The following USP38 variants were observed in gnomAD, a reference collection of about 807,000 sequenced individuals.
USP38 encodes the protein ubiquitin specific peptidase 38.
A neutral mutation model predicts 94.3 loss-of-function variants in USP38; 49 were observed. The ratio of observed to expected loss-of-function variants is 0.52; its 90% CI spans 0.41 to 0.66. The LOEUF (loss-of-function observed/expected upper bound fraction) is 0.66, where lower values mean the gene tolerates loss of function less well. Ranked by LOEUF, USP38 falls within the 30% of genes least tolerant of loss-of-function variation. The pLI is 0.00. For synonymous variants in USP38, 468 were observed against 463.6 expected (o/e 1.01, Z -0.12); for missense variants, 1,128 against 1,229.4 (o/e 0.92, Z 1.23).
chr4:143,185,913 G>A lies in USP38; in HGVS notation c.463G>A (p.Val155Met). 6.2e-7 allele frequency: 1 copy of A among 1,614,214 alleles called. No individual in the cohort carries two copies. The change falls in exon 1 of 10, where the codon GTG becomes ATG. Residue 155 changes from valine to methionine, a missense_variant. Coordinates refer to ENST00000307017, the MANE Select transcript of USP38 (RefSeq NM_032557.6). ...ACTGAGCGACCTTCTGACCGACTTT[G>A]TGCAATGCATCCCCAAGGGGAAATT... ...ARLSDLLTDF[V>M]QCIPKGKLSI...
rs1339315598 is a variant in USP38, at chr4:143,220,326, T to G, written c.2999T>G (p.Leu1000Arg). 2.5e-6 allele frequency: 4 copies of G among 1,613,026 alleles called. No homozygotes were observed. Among genetic ancestry groups the G allele is most frequent in the Non-Finnish European group, 3.4e-6 (4 of 1,179,450 alleles). ...EQELNARARA[L>R]QAASASCSFR... ...GAGTTGAATGCTCGAGCCCGGGCCC[T>G]CCAAGCTGCATCTGCTTCATGTTCA... Residue 1000 changes from leucine (L) to arginine (R), a missense_variant, in exon 10 of 10, where the codon CTC becomes CGC. Physicochemically the swap from Leu to Arg is moderately radical, Grantham distance 102. Coordinates refer to ENST00000307017, the MANE Select transcript of USP38 (RefSeq NM_032557.6).
chr4:143,206,202 T>C lies in USP38; in HGVS notation c.1379T>C (p.Ile460Thr). 6.3e-7 allele frequency: 1 copy of C among 1,599,650 alleles called. No individual in the cohort carries two copies. The highest frequency in any genetic ancestry group is 8.5e-7 in the Non-Finnish European group (1 of 1,175,046). ...AATACATGTTATATGAACAGTGTTA[T>C]ACAAGCCTTGTTTATGGCCACAGAG... ...LGNTCYMNSV[I>T]QALFMATDFR... Residue 460 changes from isoleucine (I) to threonine (T), a missense_variant, in exon 6 of 10, where the codon ATA becomes ACA. Ile to Thr is a moderately conservative substitution (Grantham distance 89). Coordinates refer to ENST00000307017, the MANE Select transcript of USP38 (RefSeq NM_032557.6).
Position 143,214,687 on chromosome 4 carries a change from T to C in USP38, c.2711T>C (p.Leu904Ser), listed in dbSNP as rs1732134554. The C allele has an allele frequency of 6.2e-7, 1 of 1,613,766 alleles. No individual in the cohort carries two copies. Among genetic ancestry groups the C allele is most frequent in the Non-Finnish European group, 8.5e-7 (1 of 1,179,822 alleles). ...DSPSAVFEQDLENKEMSKEWF... is the reference protein window; with the variant it reads ...DSPSAVFEQDSENKEMSKEWF... ...CCCAGTGCAGTTTTTGAACAGGATT[T>C]GGAAAATAAGGAAATGTCAAAAGAA... Residue 904 changes from leucine to serine, a missense_variant, in exon 9 of 10, where the codon TTG becomes TCG. Coordinates refer to ENST00000307017, the MANE Select transcript of USP38 (RefSeq NM_032557.6).
In USP38 at chr4:143,206,166, T is replaced by C. The variant is rs1293334779; in HGVS notation, c.1343T>C (p.Ile448Thr). The change falls in exon 6 of 10, where the codon ATT (isoleucine) becomes ACT (threonine). Residue 448 changes from isoleucine (I) to threonine (T), a missense_variant. Coordinates refer to ENST00000307017, the MANE Select transcript of USP38 (RefSeq NM_032557.6). ...GKSETGKTGL[I>T]NLGNTCYMNS... is the part of the protein sequence containing the mutation. ...TCTGAAACTGGGAAAACTGGTCTTA[T>C]TAACCTAGGAAATACATGTTATATG... 2 of 1,613,674 alleles carry C rather than the reference T, an allele frequency of 1.2e-6. No homozygotes were observed. The highest frequency in any genetic ancestry group is 1.3e-5 in the African/African-American group (1 of 74,912).
chr4:143,218,700 C>G (rs1247841589), intron 9 of USP38, among the ~76,000 whole-genome samples: 1 of 152,026 alleles, frequency 6.6e-6, no homozygotes, highest in Non-Finnish European at 1.5e-5. Flanking sequence ...AACGTCTATG[C>G]AAGATTTGCC....
At chr4:143,195,550 A>G (rs1731518995) in intron 2 of USP38, among the ~76,000 whole-genome samples, 166 bp from the exon 3 acceptor site, 1 of 152,260 alleles carries the variant, frequency 6.6e-6, no homozygotes. Context: ...TTCCATGAGA[A>G]CAAGCACCTG....
chr4:143,204,143 G>A (rs748568226), intron 5 of USP38, among the ~76,000 whole-genome samples: 6 of 151,928 alleles, frequency 3.9e-5, no homozygotes, highest in Non-Finnish European at 7.4e-5. Context: ...CACCATGCCC[G>A]GCTAATTTGT....
In USP38 at chr4:143,214,910, T is replaced by A; in HGVS notation, c.2934T>A (p.Asp978Glu). ...CACCTCTACAGAAAGAACTTATGGA[T>A]GCTATAACAAAAGACAATAAACTAT... ...GDPPLQKELM[D>E]AITKDNKLYL... The change falls in exon 9 of 10, where the codon GAT becomes GAA. Residue 978 changes from aspartate (D) to glutamate (E), a missense_variant. Coordinates refer to ENST00000307017, the MANE Select transcript of USP38 (RefSeq NM_032557.6). The A allele has an allele frequency of 6.2e-7, 1 of 1,613,010 alleles. No homozygotes were observed. The highest frequency in any genetic ancestry group is 8.5e-7 in the Non-Finnish European group (1 of 1,179,482).
intron 2 of USP38, among the ~76,000 whole-genome samples, chr4:143,194,996 G>GTGCTTTT (rs1436997741): frequency 2.6e-5 from 4 of 151,282 alleles, no homozygotes; most frequent in Non-Finnish European, 5.9e-5. Flanking sequence ...TACAGACTTA[G>GTGCTTTT]TGCTTTTTTA....
rs1371915536 is a variant in USP38 at position 143,185,526 on chromosome 4, G to A, written c.76G>A (p.Val26Met). 6.2e-7 allele frequency: 1 copy of A among 1,613,388 alleles called. No individual in the cohort carries two copies. The highest frequency in any genetic ancestry group is 1.1e-5 in the South Asian group (1 of 90,966). The change falls in exon 1 of 10, where the codon GTG (valine) becomes ATG (methionine). Residue 26 changes from valine to methionine, a missense_variant. Val to Met is a conservative substitution (Grantham distance 21, BLOSUM62 1). Coordinates refer to ENST00000307017, the MANE Select transcript of USP38 (RefSeq NM_032557.6). ...PLKRVIVRKV[V>M]ESAEHWLDEA... is the part of the protein sequence containing the mutation. ...CAAGCGGGTGATTGTGCGGAAGGTG[G>A]TGGAATCGGCGGAGCACTGGCTAGA...
intron 7 of USP38, among the ~76,000 whole-genome samples, chr4:143,211,938 T>C (rs752292894): frequency 1.3e-5 from 2 of 152,182 alleles, no homozygotes; most frequent in Non-Finnish European, 2.9e-5. Context: ...CATTAATCTT[T>C]TTTAGATTTG....
Position 143,197,803 on chromosome 4 carries a change from T to G in USP38, c.949-20T>G, listed in dbSNP as rs1186917581. On this transcript the variant is annotated intron_variant, in intron 3 of 9. Coordinates refer to ENST00000307017, the MANE Select transcript of USP38 (RefSeq NM_032557.6). ...ATTTTCCTGCAAATTCTTAAGAAGG[T>G]GTCTTGTCTTATTTTGAAGGTTTTT... is the stretch of plus-strand genomic sequence containing the variant. The G allele has an allele frequency of 6.5e-7, 1 of 1,544,448 alleles. No homozygotes were observed. The highest frequency in any genetic ancestry group is 8.9e-7 in the Non-Finnish European group (1 of 1,121,470).
intron 6 of USP38, among the ~76,000 whole-genome samples, chr4:143,208,724 CA>C (rs1461904119): frequency 6.6e-6 from 1 of 151,754 alleles, no homozygotes; most frequent in East Asian, 1.9e-4. Context: ...ATGCTTTTTT[CA>C]AGGCACAATT....
intron 8 of USP38, among the ~76,000 whole-genome samples, chr4:143,213,282 T>G (rs1732078346): frequency 6.6e-6 from 1 of 152,174 alleles, no homozygotes; most frequent in African/African-American, 2.4e-5. Flanking sequence ...CTATGAGATG[T>G]CAGGAAGACA....
Position 143,222,729 on chromosome 4 carries a change from GAA to G in USP38, c.*2274_*2275del, listed in dbSNP as rs1293754324. On this transcript the variant is annotated 3_prime_UTR_variant, in exon 10 of 10. Transcript: ENST00000307017. ...GTTGAATTCAACATATTTGGAACCA[GAA>G]TAATCAGAAACTTCATTCAAAACCT... 2 of 152,042 alleles carry G rather than the reference GAA, an allele frequency of 1.3e-5. No individual in the cohort carries two copies. Among genetic ancestry groups the G allele is most frequent in the African/African-American group, 2.4e-5 (1 of 41,432 alleles). The allele number at this position is 152,042 out of a possible 1,614,324, so 9.4% of individuals were successfully genotyped here. A position where few individuals can be genotyped will look rare whatever the true frequency, so the allele number is the denominator to read the frequency against.
At chr4:143,215,288 T>A (rs1732155210) in intron 9 of USP38, 2 of 238,460 alleles carry the variant, frequency 8.4e-6, no homozygotes, top group African/African-American at 2.3e-5. Flanking sequence ...AACTGCTAAA[T>A]GTGGTATTTA....
At chr4:143,203,905 T>A (rs1206445207) in intron 5 of USP38, among the ~76,000 whole-genome samples, 1 of 152,174 alleles carries the variant, frequency 6.6e-6, no homozygotes, top group Non-Finnish European at 1.5e-5. Context: ...TTAAAGTATA[T>A]GTAGAGTACA....
intron 3 of USP38, among the ~76,000 whole-genome samples, chr4:143,197,331 T>TTCCC (rs1318024352): frequency 6.6e-6 from 1 of 152,206 alleles, no homozygotes; most frequent in Non-Finnish European, 1.5e-5. Flanking sequence ...CTACACAGCA[T>TTCCC]TCCCTATTCA....
Position 143,198,171 on chromosome 4 carries a change from A to C in USP38, c.1050+247A>C, listed in dbSNP as rs187890872. 1.0e-3 allele frequency among the ~76,000 whole-genome samples: 154 copies of C among 152,294 alleles called. 1 individual carries two copies. Among genetic ancestry groups the C allele is most frequent in the African/African-American group, 3.6e-3 (151 of 41,558 alleles). The stretch of plus-strand genomic sequence containing the variant: ...AGTTGAGAGTTACTGTTCACATGGG[A>C]GATGTCACTGATGGATGTCTGTTGC... On this transcript the variant is annotated intron_variant, in intron 4 of 9. Transcript: ENST00000307017.
Sources: gnomAD v4.1 joint callset for allele counts (sites outside exome capture counted in the v4.1 genomes callset) on GRCh38, gnomAD v4.1.1 for gene constraint, MANE v1.5 for transcripts, NCBI Gene and HGNC (gene_info 2026-07-23, HGNC 2026-07-21) for gene names.